Variants in VPS35L observed in about 807,000 individuals in gnomAD.
VPS35L encodes VPS35 endosomal protein sorting factor like, also known as VPS35 endosomal protein-sorting factor-like.
Under a neutral mutation model 133.0 loss-of-function variants are expected in VPS35L, and 83 were observed. The ratio of observed to expected loss-of-function variants is 0.62; its 90% CI spans 0.52 to 0.75. The LOEUF is 0.75. VPS35L is among the 30% of genes least tolerant of loss of function. VPS35L has a pLI of 0.00. For synonymous variants in VPS35L, 423 were observed against 449.9 expected (o/e 0.94, Z 0.76); for missense variants, 1,083 against 1,206.8 (o/e 0.90, Z 1.52).
chr16:19,583,242 A>T (rs999784548), intron 7 of VPS35L, among the ~76,000 whole-genome samples: 1 of 152,058 alleles, frequency 6.6e-6, no homozygotes, highest in Non-Finnish European at 1.5e-5. Flanking sequence ...CCTGTCTGTA[A>T]TCAAACCCCA....
chr16:19,647,962 T>G (rs1974005072), intron 24 of VPS35L, 80 bp downstream of exon 24: 4 of 1,314,064 alleles, frequency 3.0e-6, no homozygotes, highest in East Asian at 2.3e-5. Context: ...ATTTTGATTT[T>G]ATTTTATTAG....
chr16:19,645,986 G>C (rs900622476), intron 23 of VPS35L, among the ~76,000 whole-genome samples: 1 of 151,704 alleles, frequency 6.6e-6, no homozygotes, highest in Non-Finnish European at 1.5e-5. Flanking sequence ...TGGGGGGGTC[G>C]AGACAGGGGT....
intron 14 of VPS35L, among the ~76,000 whole-genome samples, chr16:19,624,431 A>G (rs930976338): frequency 6.6e-6 from 1 of 151,866 alleles, no homozygotes; most frequent in Admixed American, 6.6e-5. Context: ...AAAAATACAA[A>G]AAAATTAGCC....
At chr16:19,658,026 G>A (rs928620066) in intron 26 of VPS35L, among the ~76,000 whole-genome samples, 1 of 152,138 alleles carries the variant, frequency 6.6e-6, no homozygotes, top group Non-Finnish European at 1.5e-5. Context: ...ATCCATCTTA[G>A]GGAGTGTCAA....
chr16:19,658,929 T>G (rs776923812), intron 26 of VPS35L, among the ~76,000 whole-genome samples: 1 of 145,222 alleles, frequency 6.9e-6, no homozygotes, highest in Non-Finnish European at 1.5e-5. Flanking sequence ...TTTATCTTTA[T>G]TTTGCAGCTG....
At chr16:19,555,842 G>A (rs1338651708) in intron 1 of VPS35L, 96 bp downstream of exon 1, 17 of 1,480,608 alleles carry the variant, frequency 1.1e-5, no homozygotes, top group Non-Finnish European at 1.4e-5. Context: ...TCTCTGTCGG[G>A]TTCTGGTGGT....
intron 26 of VPS35L, among the ~76,000 whole-genome samples, chr16:19,666,571 A>G (rs1289021084): frequency 6.6e-6 from 1 of 152,182 alleles, no homozygotes; most frequent in African/African-American, 2.4e-5. Context: ...TGTTTATTTT[A>G]GCTCCGTCCT....
intron 3 of VPS35L, among the ~76,000 whole-genome samples, chr16:19,569,881 G>A (rs777535681): frequency 8.6e-5 from 13 of 151,914 alleles, no homozygotes; most frequent in African/African-American, 1.7e-4. Flanking sequence ...GTTGCCCAGG[G>A]TGGTCTTGTA....
intron 28 of VPS35L, among the ~76,000 whole-genome samples, chr16:19,686,186 G>T (rs1242402824): frequency 6.6e-6 from 1 of 152,202 alleles, no homozygotes; most frequent in Non-Finnish European, 1.5e-5. Context: ...TCTGCAGGTT[G>T]TGGGGGCTCC....
At chr16:19,600,794 G>A (rs1972358720) in intron 8 of VPS35L, among the ~76,000 whole-genome samples, 2 of 152,162 alleles carry the variant, frequency 1.3e-5, no homozygotes, top group African/African-American at 4.8e-5. Context: ...ACTGGTTAGT[G>A]TATATGCCAT....
intron 23 of VPS35L, 44 bp from the exon 24 acceptor site, chr16:19,647,740 A>G: frequency 6.6e-7 from 1 of 1,504,294 alleles, no homozygotes; most frequent in Non-Finnish European, 9.3e-7. Context: ...CGTTCTCTCT[A>G]AAAATACCAC....
chr16:19,617,700 A>G (rs545190880), intron 14 of VPS35L: 1 of 152,296 alleles, frequency 6.6e-6, no homozygotes, highest in Non-Finnish European at 1.5e-5. Flanking sequence ...TCAAACTGTC[A>G]TGAAGACTGT....
intron 7 of VPS35L, among the ~76,000 whole-genome samples, chr16:19,590,930 G>A (rs538908955): frequency 6.6e-5 from 10 of 152,214 alleles, no homozygotes; most frequent in South Asian, 4.1e-4. Flanking sequence ...ACTCCAGCCC[G>A]AGCGACAGAG....
intron 15 of VPS35L, 137 bp from the exon 16 acceptor site, chr16:19,627,557 T>C: frequency 3.0e-6 from 2 of 663,698 alleles, no homozygotes; most frequent in Non-Finnish European, 5.3e-6. Context: ...GTTTACCTTT[T>C]TACTCTGATT....
intron 29 of VPS35L, among the ~76,000 whole-genome samples, chr16:19,695,880 AT>A (rs1975889241): frequency 6.6e-6 from 1 of 151,204 alleles, no homozygotes; most frequent in East Asian, 1.9e-4. Flanking sequence ...TGAACATGTT[AT>A]CCTTCTTTTA....
chr16:19,651,101 C>T (rs539640208), intron 25 of VPS35L, among the ~76,000 whole-genome samples: 4 of 151,954 alleles, frequency 2.6e-5, no homozygotes, highest in South Asian at 2.1e-4. Flanking sequence ...AGGCTGGTTT[C>T]GAACTCCTGT....
At chr16:19,584,695 T>C (rs1390070782) in intron 7 of VPS35L, among the ~76,000 whole-genome samples, 1 of 151,006 alleles carries the variant, frequency 6.6e-6, no homozygotes, top group East Asian at 1.9e-4. Flanking sequence ...TTTCTTTTTG[T>C]TTTTTTTTAT....
At chr16:19,570,600 C>G (rs1456895478) in intron 3 of VPS35L, among the ~76,000 whole-genome samples, 3 of 151,668 alleles carry the variant, frequency 2.0e-5, no homozygotes, top group Non-Finnish European at 2.9e-5. Context: ...TCTGAGCATT[C>G]CCATACGTAC....
chr16:19,666,911 T>TCTTC (rs1298668463), intron 26 of VPS35L, among the ~76,000 whole-genome samples: 36 of 53,974 alleles, frequency 6.7e-4, no homozygotes, highest in African/African-American at 2.2e-3. Flanking sequence ...TTTCTTTCTT[T>TCTTC]CTTTCTTTCT....
Sources: allele counts gnomAD v4.1 joint callset (sites outside exome capture counted in the v4.1 genomes callset), GRCh38; gene constraint gnomAD v4.1.1; transcripts MANE v1.5; gene names NCBI Gene and HGNC (gene_info 2026-07-23, HGNC 2026-07-21).